ERF: variants seen among roughly 807,000 people sequenced by gnomAD.
ERF encodes the protein ETS domain-containing transcription factor ERF.
A neutral mutation model predicts 41.6 loss-of-function variants in ERF; 10 were observed. That is an observed-to-expected ratio of 0.24 (90% CI 0.15 to 0.41). The LOEUF is 0.41. Ranked by LOEUF, ERF falls within the 10% of genes least tolerant of loss-of-function variation. The probability of loss-of-function intolerance (pLI) is 1.00; values close to 1 mark genes in which losing one functional copy is unlikely to be tolerated. For missense variants in ERF, 621 were observed against 763.2 expected (o/e 0.81, Z 2.19); for synonymous variants, 395 against 342.4 (o/e 1.15, Z -1.70).
In ERF at chr19:42,248,063, G is replaced by C. The variant is rs2036359168; in HGVS notation, c.*402C>G. ...GGAGTGGGGCAGAGCGGGTGGGTCA[G>C]AGGGGTACAAGAGGCAGAGAACAGG... On this transcript the variant is annotated 3_prime_UTR_variant, in exon 4 of 4. Coordinates refer to ENST00000222329, the MANE Select transcript of ERF (RefSeq NM_006494.4). This position sits in a 1 kb window ranked among gnomAD's most constrained non-coding sequence, Gnocchi z 4.2. 6.1e-6 allele frequency: 1 copy of C among 163,328 alleles called. No homozygotes were observed. The highest frequency in any genetic ancestry group is 2.4e-5 in the African/African-American group (1 of 41,894). 10.1% of individuals were successfully genotyped at this position (163,328 alleles called of 1,614,324 possible).
At position 42,250,182 on chromosome 19, in the gene ERF, CAG is replaced by C; in HGVS notation, c.257+147_257+148del. ...GATACGTCTGTGTTACCAAGGGGCT[CAG>C]GGAAGGGCTGGGAGTGGCCCAAGGT... On this transcript the variant is annotated intron_variant, in intron 2 of 3. Coordinates refer to ENST00000222329, the MANE Select transcript of ERF (RefSeq NM_006494.4). The surrounding 1 kb of genome is among the most constrained non-coding windows in gnomAD (Gnocchi z 5.1). The C allele has an allele frequency of 2.2e-6, 2 of 890,272 alleles. No individual in the cohort carries two copies. 55.1% of individuals were successfully genotyped at this position (890,272 alleles called of 1,614,324 possible). A position where few individuals can be genotyped will look rare whatever the true frequency, so the allele number is the denominator to read the frequency against.
intron 1 of ERF, among the ~76,000 whole-genome samples, chr19:42,253,554 T>C (rs975462004): frequency 4.6e-5 from 7 of 152,046 alleles, no homozygotes; most frequent in African/African-American, 1.7e-4. Flanking sequence ...GGCCTCCTCC[T>C]TGGGCGAGGG....
Position 42,248,799 on chromosome 19 carries a change from A to G in ERF, c.1313T>C (p.Val438Ala). ...EPISEGESEE[V>A]EVTDISDEDE... is the part of the protein sequence containing the mutation. ...CTCATCACTGATGTCAGTCACCTCT[A>G]CCTCCTCCGACTCGCCTTCCGAGAT... is the stretch of plus-strand genomic sequence containing the variant. Residue 438 changes from valine to alanine, a missense_variant, in exon 4 of 4, where the codon GTA becomes GCA. Val to Ala is a moderately conservative substitution (Grantham distance 64, BLOSUM62 0). This residue lies in a region of ERF where 569 missense variants were observed against 625.5 expected (regional missense o/e 0.91). Transcript: ENST00000222329. The surrounding 1 kb of genome is among the most constrained non-coding windows in gnomAD (Gnocchi z 4.2). 1 of 1,612,382 alleles carries G rather than the reference A, an allele frequency of 6.2e-7. No homozygotes were observed.
rs774556485 is a variant in ERF at position 42,248,820 on chromosome 19, G to A, written c.1292C>T (p.Ser431Leu). Reference protein sequence around the residue: ...PPPQIKVEPISEGESEEVEVT... With the variant: ...PPPQIKVEPILEGESEEVEVT... ...CTCTACCTCCTCCGACTCGCCTTCC[G>A]AGATGGGCTCCACCTTGATCTGTGG... Residue 431 changes from serine (S) to leucine (L), a missense_variant, in exon 4 of 4, where the codon TCG becomes TTG. Ser to Leu is a moderately radical substitution (Grantham distance 145). Around this residue, in one of 3 missense-constraint regions of ERF, gnomAD observed 569 missense variants for 625.5 expected, o/e 0.91. Transcript: ENST00000222329. This position sits in a 1 kb window ranked among gnomAD's most constrained non-coding sequence, Gnocchi z 4.2. 1.2e-6 allele frequency: 2 copies of A among 1,613,150 alleles called. No individual in the cohort carries two copies. The highest frequency in any genetic ancestry group is 1.3e-5 in the African/African-American group (1 of 75,046).
rs569242099 is a variant in ERF at position 42,248,264 on chromosome 19, T to C, written c.*201A>G. ...CTTAGAAACCCACAGAGACAGGGAA[T>C]AGCCCCTAGCCCTGGGCACCCACCC... On this transcript the variant is annotated 3_prime_UTR_variant, in exon 4 of 4. Transcript: ENST00000222329. This position sits in a 1 kb window ranked among gnomAD's most constrained non-coding sequence, Gnocchi z 4.2. 5 of 163,188 alleles carry C rather than the reference T, an allele frequency of 3.1e-5. No individual in the cohort carries two copies. In the East Asian group the frequency reaches 6.7e-4, roughly 22 times the overall value. 10.1% of individuals were successfully genotyped at this position (163,188 alleles called of 1,614,324 possible).
chr19:42,248,248 CCA>C lies in ERF; in HGVS notation c.*215_*216del, dbSNP rs559955342. The C allele has an allele frequency of 2.0e-4, 50 of 247,782 alleles. No homozygotes were observed. In the East Asian group the frequency reaches 3.7e-3, roughly 18 times the overall value. The allele number at this position is 247,782 out of a possible 1,614,324, so 15.3% of individuals were successfully genotyped here. ...ACCACTTTGCCCAGAGCTTAGAAAC[CCA>C]CAGAGACAGGGAATAGCCCCTAGCC... On this transcript the variant is annotated 3_prime_UTR_variant, in exon 4 of 4. Coordinates refer to ENST00000222329, the MANE Select transcript of ERF (RefSeq NM_006494.4). This position sits in a 1 kb window ranked among gnomAD's most constrained non-coding sequence, Gnocchi z 4.2.
intron 1 of ERF, chr19:42,251,340 A>T (rs1163568996): frequency 4.1e-6 from 4 of 984,518 alleles, no homozygotes; most frequent in Non-Finnish European, 4.8e-6. Context: ...CTGCCTTCTC[A>T]TCTTCAGCTC....
In ERF at chr19:42,248,723, G is replaced by C. The variant is rs1280003056; in HGVS notation, c.1389C>G (p.Pro463=). 2 of 1,613,600 alleles carry C rather than the reference G, an allele frequency of 1.2e-6. No homozygotes were observed. Among genetic ancestry groups the C allele is most frequent in the South Asian group, 2.2e-5 (2 of 91,068 alleles). ...GTGCCTCGCCGGGCTCAGGCTTAGGGGGTGCAGGTGGGGCACGGGGCGTCT... is the reference window on the plus strand; with the variant it reads ...GTGCCTCGCCGGGCTCAGGCTTAGGCGGTGCAGGTGGGGCACGGGGCGTCT... ...VFKTPRAPPA[P]PKPEPGEAPG... Residue 463 remains proline, a synonymous_variant, in exon 4 of 4, where the codon CCC becomes CCG. Coordinates refer to ENST00000222329, the MANE Select transcript of ERF (RefSeq NM_006494.4). This position sits in a 1 kb window ranked among gnomAD's most constrained non-coding sequence, Gnocchi z 4.2.
At position 42,250,014 on chromosome 19, in the gene ERF, G is replaced by A. The variant is rs2036417883; in HGVS notation, c.258-72C>T. On this transcript the variant is annotated intron_variant, in intron 2 of 3. Transcript: ENST00000222329. The surrounding 1 kb of genome is among the most constrained non-coding windows in gnomAD (Gnocchi z 5.1). ...AGGTCTAGACTCCACACCTTAACAC[G>A]CACTTAGGTGTGGTTCCCAAAGGCC... The A allele has an allele frequency of 2.1e-6, 3 of 1,400,890 alleles. No individual in the cohort carries two copies. The highest frequency in any genetic ancestry group is 1.4e-5 in the African/African-American group (1 of 70,522). The allele number at this position is 1,400,890 out of a possible 1,614,324, so 86.8% of individuals were successfully genotyped here.
chr19:42,249,965 G>A lies in ERF; in HGVS notation c.258-23C>T, dbSNP rs764099591. Reference sequence around the variant, plus strand: ...TAGCTGTGGGTACAGAAATGCCATTGGGAAGGTCAGGTACGTGGGACCCAG... The same window carrying A: ...TAGCTGTGGGTACAGAAATGCCATTAGGAAGGTCAGGTACGTGGGACCCAG... On this transcript the variant is annotated intron_variant, in intron 2 of 3. Transcript: ENST00000222329. This position sits in a 1 kb window ranked among gnomAD's most constrained non-coding sequence, Gnocchi z 8.6. The A allele has an allele frequency of 3.1e-6, 5 of 1,608,246 alleles. No homozygotes were observed. In the South Asian group the frequency reaches 4.4e-5, roughly 14 times the overall value.
Position 42,250,217 on chromosome 19 carries a change from C to T in ERF, c.257+114G>A. 1 of 1,253,554 alleles carries T rather than the reference C, an allele frequency of 8.0e-7. No individual in the cohort carries two copies. The highest frequency in any genetic ancestry group is 1.1e-6 in the Non-Finnish European group (1 of 896,976). 77.7% of individuals were successfully genotyped at this position (1,253,554 alleles called of 1,614,324 possible). A position where few individuals can be genotyped will look rare whatever the true frequency, so the allele number is the denominator to read the frequency against. Reference sequence around the variant, plus strand: ...CTGGGAGTGGCCCAAGGTCACACAGCTAGGATTTGGCAAAGCCAGGGGTCA... The same window carrying T: ...CTGGGAGTGGCCCAAGGTCACACAGTTAGGATTTGGCAAAGCCAGGGGTCA... On this transcript the variant is annotated intron_variant, in intron 2 of 3. Transcript: ENST00000222329. This position sits in a 1 kb window ranked among gnomAD's most constrained non-coding sequence, Gnocchi z 5.1.
At chr19:42,251,511 T>C (rs1156322991) in intron 1 of ERF, 1 of 346,658 alleles carries the variant, frequency 2.9e-6, no homozygotes, top group African/African-American at 2.2e-5. Context: ...CCATCAATAA[T>C]TCAGCACCAG....
In ERF at chr19:42,250,003, C is replaced by T. The variant is rs2036417638; in HGVS notation, c.258-61G>A. 2.8e-6 allele frequency: 4 copies of T among 1,454,402 alleles called. No homozygotes were observed. The highest frequency in any genetic ancestry group is 2.3e-5 in the East Asian group (1 of 44,074). 90.1% of individuals were successfully genotyped at this position (1,454,402 alleles called of 1,614,324 possible). ...ACGTGGGACCCAGGTCTAGACTCCACACCTTAACACGCACTTAGGTGTGGT... is the reference window on the plus strand; with the variant it reads ...ACGTGGGACCCAGGTCTAGACTCCATACCTTAACACGCACTTAGGTGTGGT... On this transcript the variant is annotated intron_variant, in intron 2 of 3. Coordinates refer to ENST00000222329, the MANE Select transcript of ERF (RefSeq NM_006494.4). This position sits in a 1 kb window ranked among gnomAD's most constrained non-coding sequence, Gnocchi z 5.1.
chr19:42,253,788 G>C, intron 1 of ERF: 1 of 689,440 alleles, frequency 1.5e-6, no homozygotes, highest in Non-Finnish European at 1.8e-6. Context: ...ATGGGAATGG[G>C]GTGGGAATGG....
In ERF at chr19:42,249,752, G is replaced by A. The variant is rs746682592; in HGVS notation, c.374-14C>T. ...GCACTGCACCCCCTGGCAGAAGGGA[G>A]ACAGTGTCAAGGCCCCTGGCCTAGC... On this transcript the variant is annotated splice_polypyrimidine_tract_variant and intron_variant, in intron 3 of 3. Transcript: ENST00000222329. This position sits in a 1 kb window ranked among gnomAD's most constrained non-coding sequence, Gnocchi z 8.6. The A allele has an allele frequency of 9.3e-6, 15 of 1,609,918 alleles. No homozygotes were observed. Among genetic ancestry groups the A allele is most frequent in the Non-Finnish European group, 6.8e-6 (8 of 1,176,988 alleles).
rs748087393 is a variant in ERF, at chr19:42,248,518, A to G, written c.1594T>C (p.Ser532Pro). Residue 532 changes from serine to proline, a missense_variant, in exon 4 of 4, where the codon TCT becomes CCT. Coordinates refer to ENST00000222329, the MANE Select transcript of ERF (RefSeq NM_006494.4). This position sits in a 1 kb window ranked among gnomAD's most constrained non-coding sequence, Gnocchi z 4.2. ...TGGGCCGTGGCATGCTGGAGGTCAG[A>G]GCTCACCCGCCTTGGGGTGAGGGGC... is the stretch of plus-strand genomic sequence containing the variant. ...GGPLTPRRVS[S>P]DLQHATAQLS... 1 of 1,526,988 alleles carries G rather than the reference A, an allele frequency of 6.5e-7. No homozygotes were observed. The highest frequency in any genetic ancestry group is 8.8e-7 in the Non-Finnish European group (1 of 1,140,582). 94.6% of individuals were successfully genotyped at this position (1,526,988 alleles called of 1,614,324 possible).
intron 1 of ERF, chr19:42,251,251 AG>A (rs2036440632): frequency 3.0e-6 from 3 of 985,962 alleles, no homozygotes; most frequent in South Asian, 9.4e-5. Flanking sequence ...CCAGGCATCC[AG>A]GCCCCACCTG....
chr19:42,253,588 C>A (rs2036481122), intron 1 of ERF, among the ~76,000 whole-genome samples: 1 of 152,164 alleles, frequency 6.6e-6, no homozygotes, highest in African/African-American at 2.4e-5. Flanking sequence ...CCCCCAGGGC[C>A]CAGCCACCCG....
At position 42,248,996 on chromosome 19, in the gene ERF, GGAAGAA is replaced by G. The variant is rs199960550; in HGVS notation, c.1110_1115del (p.Ser372_Ser373del). 8 of 1,609,274 alleles carry G rather than the reference GGAAGAA, an allele frequency of 5.0e-6. No homozygotes were observed. The South Asian group carries it at 7.7e-5, about 15-fold the overall frequency. On this transcript the variant is annotated inframe_deletion, in exon 4 of 4. Transcript: ENST00000222329. This position sits in a 1 kb window ranked among gnomAD's most constrained non-coding sequence, Gnocchi z 4.2. ...GCTGGAGCTTAAACTTGAATGGGGA[GGAAGAA>G]GAAGAAGAGGATGACGAGGCCGAGG...
Sources: gnomAD v4.1 joint callset for allele counts (sites outside exome capture counted in the v4.1 genomes callset) on GRCh38, gnomAD v4.1.1 for gene constraint, gnomAD v4.1.1 regional missense constraint, Gnocchi (gnomAD v3.1) non-coding constraint, MANE v1.5 for transcripts, NCBI Gene and HGNC (gene_info 2026-07-23, HGNC 2026-07-21) for gene names.